OTUD7A: variants seen among roughly 807,000 people sequenced by gnomAD.
The protein encoded by OTUD7A is OTU domain-containing protein 7A.
In OTUD7A, 12 loss-of-function variants were observed where a neutral mutation model predicts 65.7. The observed-to-expected ratio is 0.18, with a 90% CI of 0.12 to 0.30. The LOEUF (loss-of-function observed/expected upper bound fraction) is 0.30, where lower values mean the gene tolerates loss of function less well. Ranked by LOEUF, OTUD7A falls within the 10% of genes least tolerant of loss-of-function variation. OTUD7A has a pLI of 1.00. For missense variants in OTUD7A, 1,148 were observed against 1,304.8 expected (o/e 0.88, Z 1.85); for synonymous variants, 641 against 586.3 (o/e 1.09, Z -1.35).
At chr15:31,601,628 TAGAG>T (rs1890078619) in intron 3 of OTUD7A, among the ~76,000 whole-genome samples, 1 of 151,004 alleles carries the variant, frequency 6.6e-6, no homozygotes, top group African/African-American at 2.4e-5. Flanking sequence ...CTGAAGGAGA[TAGAG>T]ACACAAAAAA....
chr15:31,626,774 C>A (rs1470394362), intron 3 of OTUD7A, among the ~76,000 whole-genome samples: 1 of 151,950 alleles, frequency 6.6e-6, no homozygotes, highest in Non-Finnish European at 1.5e-5. Context: ...CAGGGTTGTA[C>A]TATATTGCCC....
At chr15:31,734,465 G>T (rs892013131) in intron 1 of OTUD7A, among the ~76,000 whole-genome samples, 2 of 152,124 alleles carry the variant, frequency 1.3e-5, no homozygotes, top group Non-Finnish European at 2.9e-5. Context: ...TAAGCAAAAA[G>T]AACAAAGCTG....
At chr15:31,833,452 C>T (rs1236294866) in intron 1 of OTUD7A, among the ~76,000 whole-genome samples, 1 of 152,238 alleles carries the variant, frequency 6.6e-6, no homozygotes, top group East Asian at 1.9e-4. Context: ...TAAACCATTT[C>T]CATTTATAAA....
chr15:31,547,882 A>C (rs1307110424), intron 5 of OTUD7A, among the ~76,000 whole-genome samples: 1 of 152,234 alleles, frequency 6.6e-6, no homozygotes, highest in Non-Finnish European at 1.5e-5. Context: ...AGCTGTAGAC[A>C]AATCAGCTTA....
chr15:31,600,323 A>G (rs1294392816), intron 3 of OTUD7A, among the ~76,000 whole-genome samples: 1 of 152,206 alleles, frequency 6.6e-6, no homozygotes, highest in Non-Finnish European at 1.5e-5. Context: ...CAGAAACCCT[A>G]CTCAACACAA....
intron 1 of OTUD7A, among the ~76,000 whole-genome samples, chr15:31,749,031 C>T (rs558191706): frequency 2.7e-4 from 41 of 150,480 alleles, no homozygotes; most frequent in Non-Finnish European, 4.9e-4. Context: ...CGCAAACTAT[C>T]GCAAGGACAA....
intron 3 of OTUD7A, among the ~76,000 whole-genome samples, chr15:31,628,480 G>C (rs1310931753): frequency 6.6e-6 from 1 of 152,162 alleles, no homozygotes; most frequent in Non-Finnish European, 1.5e-5. Flanking sequence ...GTACCATGCT[G>C]TTTTGGTTAC....
chr15:31,802,101 ATATGTGTGTGTGTGTGTGTG>A (rs1459332865), intron 1 of OTUD7A, among the ~76,000 whole-genome samples: 4 of 140,878 alleles, frequency 2.8e-5, no homozygotes, highest in Admixed American at 1.4e-4. Flanking sequence ...GTGTGTGTAT[ATATGTGTGTGTGTGTGTGTG>A]TGTGTGTGTG....
At chr15:31,668,244 C>T (rs917879613) in intron 1 of OTUD7A, among the ~76,000 whole-genome samples, 1 of 152,144 alleles carries the variant, frequency 6.6e-6, no homozygotes, top group African/African-American at 2.4e-5. Context: ...TATATTTTTC[C>T]AAGCTTTTAG....
intron 1 of OTUD7A, among the ~76,000 whole-genome samples, chr15:31,837,712 T>C (rs1165552971): frequency 1.3e-5 from 2 of 152,222 alleles, no homozygotes; most frequent in Non-Finnish European, 2.9e-5. Flanking sequence ...ATAATAAAGA[T>C]GTCAATTATT....
intron 3 of OTUD7A, among the ~76,000 whole-genome samples, chr15:31,612,667 G>T (rs760824054): frequency 6.6e-6 from 1 of 151,918 alleles, no homozygotes; most frequent in African/African-American, 2.4e-5. Context: ...ATGGAAACAC[G>T]TCCCATGCTC....
intron 1 of OTUD7A, among the ~76,000 whole-genome samples, chr15:31,755,405 A>C (rs1220260477): frequency 2.0e-5 from 3 of 152,080 alleles, no homozygotes; most frequent in Non-Finnish European, 2.9e-5. Context: ...GGAAAACCTA[A>C]ACTGTGCAGT....
intron 1 of OTUD7A, among the ~76,000 whole-genome samples, chr15:31,671,838 G>T (rs1892491822): frequency 6.6e-6 from 1 of 151,922 alleles, no homozygotes; most frequent in Admixed American, 6.6e-5. Context: ...ATGTCATGGG[G>T]GTTTGGTGTA....
intron 5 of OTUD7A, among the ~76,000 whole-genome samples, chr15:31,538,666 C>A (rs547416727): frequency 3.3e-5 from 5 of 152,218 alleles, no homozygotes; most frequent in African/African-American, 1.2e-4. Flanking sequence ...TTTCAAAAGC[C>A]GTATTACTGA....
At chr15:31,604,855 C>T (rs1472873174) in intron 3 of OTUD7A, among the ~76,000 whole-genome samples, 1 of 152,158 alleles carries the variant, frequency 6.6e-6, no homozygotes, top group Non-Finnish European at 1.5e-5. Flanking sequence ...CCCCTCACCT[C>T]TGTGCCCTGG....
At chr15:31,720,401 ATTTTT>A (rs781404973) in intron 1 of OTUD7A, among the ~76,000 whole-genome samples, 1 of 132,922 alleles carries the variant, frequency 7.5e-6, no homozygotes, top group Non-Finnish European at 1.6e-5. Context: ...CAGTAACTTC[ATTTTT>A]TTTTTTTTTT....
At chr15:31,851,212 A>T (rs1897416359) in intron 1 of OTUD7A, among the ~76,000 whole-genome samples, 1 of 152,240 alleles carries the variant, frequency 6.6e-6, no homozygotes, top group African/African-American at 2.4e-5. Flanking sequence ...GATTAGGTAG[A>T]AGGTAGATTC....
chr15:31,531,982 C>G (rs1032524576), intron 5 of OTUD7A, among the ~76,000 whole-genome samples: 1 of 152,218 alleles, frequency 6.6e-6, no homozygotes, highest in African/African-American at 2.4e-5. Context: ...AGAGGGGGAA[C>G]CTGTACTTCA....
chr15:31,770,093 G>A (rs773693504), intron 1 of OTUD7A, among the ~76,000 whole-genome samples: 9 of 152,036 alleles, frequency 5.9e-5, no homozygotes, highest in African/African-American at 1.4e-4. Flanking sequence ...TGAAAACAAC[G>A]AAGACCAGAA....
Sources: gnomAD v4.1 joint callset for allele counts (sites outside exome capture counted in the v4.1 genomes callset) on GRCh38, gnomAD v4.1.1 for gene constraint, MANE v1.5 for transcripts, NCBI Gene and HGNC (gene_info 2026-07-23, HGNC 2026-07-21) for gene names.